The following SCAPER variants were observed in gnomAD, a reference collection of about 807,000 sequenced individuals.
SCAPER encodes the protein S-phase cyclin A associated protein in the ER, also known as S phase cyclin A-associated protein in the endoplasmic reticulum.
SCAPER carries 98 observed loss-of-function variants against 182.2 expected under a neutral mutation model. That is an observed-to-expected ratio of 0.54 (90% CI 0.46 to 0.64). The LOEUF is 0.64. SCAPER is among the 30% of genes least tolerant of loss of function. The pLI, the probability that SCAPER is intolerant of heterozygous loss-of-function variation, is 0.00. For missense variants in SCAPER, 1,432 were observed against 1,690.0 expected (o/e 0.85, Z 2.68); for synonymous variants, 605 against 564.6 (o/e 1.07, Z -1.01).
chr15:76,524,623 T>C (rs2043049456), intron 23 of SCAPER, among the ~76,000 whole-genome samples: 1 of 151,392 alleles, frequency 6.6e-6, no homozygotes, highest in Non-Finnish European at 1.5e-5. Context: ...CTTAGAAAAG[T>C]TCATTCTGTG....
chr15:76,390,761 A>G (rs1206263948), intron 27 of SCAPER, among the ~76,000 whole-genome samples: 1 of 152,164 alleles, frequency 6.6e-6, no homozygotes, highest in African/African-American at 2.4e-5. Context: ...CTCTCTTTAC[A>G]GTTTGGAAGT....
chr15:76,426,417 GAT>G (rs1197759904), intron 26 of SCAPER, among the ~76,000 whole-genome samples: 4 of 152,182 alleles, frequency 2.6e-5, no homozygotes, highest in Non-Finnish European at 5.9e-5. Flanking sequence ...CCAGGTGCGG[GAT>G]ATAATCTCCT....
At chr15:76,519,073 G>A (rs1235537387) in intron 23 of SCAPER, among the ~76,000 whole-genome samples, 5 of 152,300 alleles carry the variant, frequency 3.3e-5, no homozygotes, top group South Asian at 4.1e-4. Context: ...CAGAAGAGTC[G>A]TTAAGCCTGG....
chr15:76,707,212 G>T (rs1016426781), intron 17 of SCAPER, among the ~76,000 whole-genome samples: 57 of 151,902 alleles, frequency 3.8e-4, no homozygotes, highest in African/African-American at 1.1e-3. Context: ...AGAACAAAAG[G>T]TAAAGGAGAA....
chr15:76,865,917 C>T (rs752419657), intron 2 of SCAPER, among the ~76,000 whole-genome samples: 4 of 152,150 alleles, frequency 2.6e-5, no homozygotes, highest in Non-Finnish European at 5.9e-5. Context: ...TTCACTGAAA[C>T]TCATTTGTCT....
At chr15:76,883,753 A>G (rs1001401579) in intron 2 of SCAPER, 59 bp downstream of exon 2, 2 of 1,337,374 alleles carry the variant, frequency 1.5e-6, no homozygotes, top group Middle Eastern at 1.8e-4. Context: ...AAAAGATAAA[A>G]GAAAGGAAGA....
intron 27 of SCAPER, among the ~76,000 whole-genome samples, chr15:76,402,073 G>A (rs1249726320): frequency 6.6e-6 from 1 of 152,200 alleles, no homozygotes; most frequent in Non-Finnish European, 1.5e-5. Flanking sequence ...GTTGCAGTGA[G>A]CTGAGATAGT....
At chr15:76,353,835 G>A in intron 30 of SCAPER, 114 bp downstream of exon 30, 1 of 861,590 alleles carries the variant, frequency 1.2e-6, no homozygotes, top group South Asian at 2.7e-5. Context: ...ATAAATATGT[G>A]AAGATTTTAA....
intron 22 of SCAPER, among the ~76,000 whole-genome samples, chr15:76,588,582 G>T (rs1049737725): frequency 6.6e-6 from 1 of 152,118 alleles, no homozygotes; most frequent in African/African-American, 2.4e-5. Context: ...GAGCATTTAG[G>T]CCATTTACAT....
intron 5 of SCAPER, among the ~76,000 whole-genome samples, chr15:76,809,844 T>C (rs778159570): frequency 3.3e-5 from 5 of 152,298 alleles, no homozygotes; most frequent in East Asian, 3.9e-4. Flanking sequence ...GACAGACTTA[T>C]GAAGACAGTA....
intron 15 of SCAPER, among the ~76,000 whole-genome samples, chr15:76,740,911 A>G (rs2061506958): frequency 6.6e-6 from 1 of 152,160 alleles, no homozygotes; most frequent in South Asian, 2.1e-4. Context: ...AGGATGATAT[A>G]CGAGTGCTAA....
chr15:76,866,185 T>C (rs1473024096), intron 2 of SCAPER, among the ~76,000 whole-genome samples: 7 of 152,104 alleles, frequency 4.6e-5, no homozygotes, highest in Non-Finnish European at 1.0e-4. Flanking sequence ...TCAGCTCTAC[T>C]TCAGATAATT....
At chr15:76,820,987 G>C (rs2067496382) in intron 5 of SCAPER, among the ~76,000 whole-genome samples, 3 of 152,202 alleles carry the variant, frequency 2.0e-5, no homozygotes, top group African/African-American at 7.2e-5. Context: ...AAATGCTGAT[G>C]AGGATGTAGA....
At chr15:76,877,622 G>A (rs1002916176) in intron 2 of SCAPER, among the ~76,000 whole-genome samples, 2 of 152,174 alleles carry the variant, frequency 1.3e-5, no homozygotes, top group African/African-American at 2.4e-5. Flanking sequence ...ATCGTCATTC[G>A]TGTGATATTC....
intron 17 of SCAPER, among the ~76,000 whole-genome samples, chr15:76,708,532 A>C (rs2059392619): frequency 1.3e-5 from 2 of 152,110 alleles, no homozygotes; most frequent in Non-Finnish European, 2.9e-5. Context: ...AAATAGTTTC[A>C]AATCAATCAA....
Position 76,354,799 on chromosome 15 carries a change from T to C in SCAPER, c.3856-659A>G, listed in dbSNP as rs1453891881. On this transcript the variant is annotated intron_variant, in intron 29 of 31. Transcript: ENST00000563290. This position sits in a 1 kb window ranked among gnomAD's most constrained non-coding sequence, Gnocchi z 4.4. The stretch of plus-strand genomic sequence containing the variant: ...CTTGAAGCAGTCTTAAGTTTACAAC[T>C]GTGTACATTTAAAGAAATAGGGCAA... 6 of 152,258 alleles carry C rather than the reference T, an allele frequency of 3.9e-5. No individual in the cohort carries two copies. Among genetic ancestry groups the C allele is most frequent in the African/African-American group, 1.4e-4 (6 of 41,468 alleles). The allele number at this position is 152,258 out of a possible 1,614,324, so 9.4% of individuals were successfully genotyped here.
At chr15:76,733,180 C>A in intron 16 of SCAPER, 49 bp downstream of exon 16, 3 of 1,532,394 alleles carry the variant, frequency 2.0e-6, no homozygotes, top group Non-Finnish European at 2.6e-6. Context: ...CTGGACCCTA[C>A]AAATATGACA....
At chr15:76,416,438 G>A (rs1266573292) in intron 26 of SCAPER, among the ~76,000 whole-genome samples, 1 of 152,022 alleles carries the variant, frequency 6.6e-6, no homozygotes, top group Non-Finnish European at 1.5e-5. Flanking sequence ...GCAGTGAGCT[G>A]GGATCACACC....
chr15:76,465,472 A>AC (rs1306060027), intron 25 of SCAPER, among the ~76,000 whole-genome samples: 1 of 152,020 alleles, frequency 6.6e-6, no homozygotes, highest in Non-Finnish European at 1.5e-5. Context: ...AGCCCACAGC[A>AC]CCCCTTTATC....
Sources: gnomAD v4.1 joint callset for allele counts (sites outside exome capture counted in the v4.1 genomes callset) on GRCh38, gnomAD v4.1.1 for gene constraint, Gnocchi (gnomAD v3.1) non-coding constraint, MANE v1.5 for transcripts, NCBI Gene and HGNC (gene_info 2026-07-23, HGNC 2026-07-21) for gene names.